The following MMP16 variants were observed in gnomAD, a reference collection of about 807,000 sequenced individuals.
The protein encoded by MMP16 is matrix metallopeptidase 16, also known as matrix metalloproteinase-16.
In MMP16, 12 loss-of-function variants were observed where a neutral mutation model predicts 67.8. The ratio of observed to expected loss-of-function variants is 0.18; its 90% CI spans 0.11 to 0.29. The LOEUF is 0.29. MMP16 is among the 10% of genes least tolerant of loss of function. The pLI, the probability that MMP16 is intolerant of heterozygous loss-of-function variation, is 1.00. For synonymous variants in MMP16, 249 were observed against 255.9 expected (o/e 0.97, Z 0.26); for missense variants, 475 against 765.7 (o/e 0.62, Z 4.48).
intron 1 of MMP16, among the ~76,000 whole-genome samples, chr8:88,248,191 C>T (rs1047336475): frequency 6.6e-6 from 1 of 152,028 alleles, no homozygotes; most frequent in Non-Finnish European, 1.5e-5. Context: ...AAACCATCTA[C>T]AGCATGGGAT....
At chr8:88,091,436 G>C (rs954884187) in intron 6 of MMP16, among the ~76,000 whole-genome samples, 5 of 151,650 alleles carry the variant, frequency 3.3e-5, no homozygotes, top group Non-Finnish European at 7.4e-5. Flanking sequence ...TATTGTTCTG[G>C]TTCATTTCTT....
chr8:88,183,609 T>C (rs1429181945), intron 3 of MMP16, among the ~76,000 whole-genome samples: 3 of 152,124 alleles, frequency 2.0e-5, no homozygotes, highest in Non-Finnish European at 4.4e-5. Context: ...GATACTGCTG[T>C]TGCCTCTTAA....
intron 6 of MMP16, among the ~76,000 whole-genome samples, chr8:88,109,326 A>G (rs2118406074): frequency 6.6e-6 from 1 of 151,362 alleles, no homozygotes; most frequent in East Asian, 2.0e-4. Context: ...GTAGACTATC[A>G]CATAATTTGC....
chr8:88,204,255 A>G (rs1586203546), intron 1 of MMP16, among the ~76,000 whole-genome samples: 1 of 152,206 alleles, frequency 6.6e-6, no homozygotes, highest in East Asian at 1.9e-4. Context: ...GAAAATGGTA[A>G]TTTACCTGCT....
At chr8:88,323,706 A>T (rs2130233800) in intron 1 of MMP16, among the ~76,000 whole-genome samples, 1 of 151,804 alleles carries the variant, frequency 6.6e-6, no homozygotes, top group East Asian at 2.0e-4. Flanking sequence ...CAAACTATTC[A>T]GAGTTGACGA....
Position 88,186,602 on chromosome 8 carries a change from C to CAAAAAAAAAAAAAAAAAAAA in MMP16, c.282-24_282-5dup. Reference sequence around the variant, plus strand: ...GCATCGGGGCTTCTTCATCCAGCTGCAAAAAAAAAAAAAAAAAAAAAAAAG... The same window carrying CAAAAAAAAAAAAAAAAAAAA: ...GCATCGGGGCTTCTTCATCCAGCTGCAAAAAAAAAAAAAAAAAAAAAAAAAAAAAAAAAAAAAAAAAAAAG... On this transcript the variant is annotated splice_region_variant and splice_polypyrimidine_tract_variant and intron_variant, in intron 2 of 9. Transcript: ENST00000286614. The CAAAAAAAAAAAAAAAAAAAA allele has an allele frequency of 8.6e-7, 1 of 1,164,314 alleles. No individual in the cohort carries two copies. Among genetic ancestry groups the CAAAAAAAAAAAAAAAAAAAA allele is most frequent in the Non-Finnish European group, 1.1e-6 (1 of 937,200 alleles). The allele number at this position is 1,164,314 out of a possible 1,614,324, so 72.1% of individuals were successfully genotyped here.
intron 4 of MMP16, among the ~76,000 whole-genome samples, chr8:88,129,852 C>A (rs1333141567): frequency 4.0e-5 from 6 of 151,342 alleles, no homozygotes; most frequent in Non-Finnish European, 8.9e-5. Context: ...ATATATATTT[C>A]TTTTTTAGCA....
At chr8:88,273,972 C>T (rs748255126) in intron 1 of MMP16, among the ~76,000 whole-genome samples, 31 of 151,950 alleles carry the variant, frequency 2.0e-4, no homozygotes, top group Admixed American at 3.9e-4. Context: ...TTCTTCATCA[C>T]CATCATCATC....
At chr8:88,112,195 T>G (rs969940079) in intron 6 of MMP16, among the ~76,000 whole-genome samples, 2 of 151,642 alleles carry the variant, frequency 1.3e-5, no homozygotes, top group African/African-American at 4.8e-5. Flanking sequence ...TCCTTTTTTT[T>G]TTTTTTTGAC....
At chr8:88,295,455 A>T (rs1810997100) in intron 1 of MMP16, among the ~76,000 whole-genome samples, 6 of 152,214 alleles carry the variant, frequency 3.9e-5, no homozygotes, top group Admixed American at 3.9e-4. Flanking sequence ...AGAACAAAAT[A>T]AAAAGGTAAT....
At chr8:88,079,111 A>G (rs968676215) in intron 6 of MMP16, among the ~76,000 whole-genome samples, 1 of 152,014 alleles carries the variant, frequency 6.6e-6, no homozygotes, top group Admixed American at 6.6e-5. Context: ...TTGTGTTCAT[A>G]TTGCTCCAGT....
chr8:88,137,657 T>A (rs751434167), intron 4 of MMP16, among the ~76,000 whole-genome samples: 18 of 152,000 alleles, frequency 1.2e-4, no homozygotes, highest in Non-Finnish European at 2.5e-4. Context: ...CAATTTTCTC[T>A]TTATACATTG....
intron 1 of MMP16, among the ~76,000 whole-genome samples, chr8:88,200,260 AACTGATTTTTGTT>A (rs1382686796): frequency 6.6e-6 from 1 of 152,024 alleles, no homozygotes. Flanking sequence ...ACATTTGACA[AACTGATTTTTGTT>A]ATGTTTTCTT....
At chr8:88,300,228 G>A (rs1442031706) in intron 1 of MMP16, among the ~76,000 whole-genome samples, 1 of 152,114 alleles carries the variant, frequency 6.6e-6, no homozygotes, top group Non-Finnish European at 1.5e-5. Flanking sequence ...CTCTTAAACT[G>A]CAAAATTCAT....
At chr8:88,161,107 G>A (rs1808613257) in intron 4 of MMP16, among the ~76,000 whole-genome samples, 1 of 152,166 alleles carries the variant, frequency 6.6e-6, no homozygotes, top group South Asian at 2.1e-4. Flanking sequence ...GATTAGAATA[G>A]TTTCAGAAGG....
chr8:88,288,496 C>T (rs1810869126), intron 1 of MMP16, among the ~76,000 whole-genome samples: 1 of 152,112 alleles, frequency 6.6e-6, no homozygotes, highest in Non-Finnish European at 1.5e-5. Context: ...AAGTATGCCA[C>T]TGAGGTATAT....
chr8:88,254,103 A>G (rs985103949), intron 1 of MMP16, among the ~76,000 whole-genome samples: 1 of 152,186 alleles, frequency 6.6e-6, no homozygotes, highest in Non-Finnish European at 1.5e-5. Context: ...AATGTGGTAC[A>G]TATACATCAT....
intron 4 of MMP16, among the ~76,000 whole-genome samples, chr8:88,122,394 C>T (rs1478370703): frequency 3.3e-5 from 5 of 152,022 alleles, no homozygotes; most frequent in African/African-American, 1.2e-4. Flanking sequence ...TGTCCCTCTA[C>T]ATCTGTGTAT....
intron 1 of MMP16, among the ~76,000 whole-genome samples, chr8:88,267,633 T>C (rs1307787553): frequency 6.6e-6 from 1 of 152,202 alleles, no homozygotes; most frequent in Non-Finnish European, 1.5e-5. Flanking sequence ...ATTTATTCTT[T>C]GTAAAAATAT....
Sources: allele counts gnomAD v4.1 joint callset (sites outside exome capture counted in the v4.1 genomes callset), GRCh38; gene constraint gnomAD v4.1.1; transcripts MANE v1.5; gene names NCBI Gene and HGNC (gene_info 2026-07-23, HGNC 2026-07-21).